PLCE1: variants seen among roughly 807,000 people sequenced by gnomAD.
PLCE1 encodes the protein phospholipase C epsilon 1, also known as 1-phosphatidylinositol 4,5-bisphosphate phosphodiesterase epsilon-1.
In PLCE1, 119 loss-of-function variants were observed where a neutral mutation model predicts 242.8. The ratio of observed to expected loss-of-function variants is 0.49; its 90% confidence interval spans 0.42 to 0.57. The LOEUF is 0.57. Ranked by LOEUF, PLCE1 falls within the 20% of genes least tolerant of loss-of-function variation. The pLI is 0.00. For synonymous variants in PLCE1, 945 were observed against 1,017.4 expected (o/e 0.93, Z 1.35); for missense variants, 2,441 against 2,788.8 (o/e 0.88, Z 2.81).
intron 9 of PLCE1, among the ~76,000 whole-genome samples, chr10:94,253,341 G>A (rs759130463): frequency 6.6e-6 from 1 of 152,026 alleles, no homozygotes; most frequent in Admixed American, 6.6e-5. Flanking sequence ...GAGAGAAGGG[G>A]AGAGGTGCCA....
intron 5 of PLCE1, among the ~76,000 whole-genome samples, chr10:94,229,988 A>G (rs558950346): frequency 1.3e-5 from 2 of 152,206 alleles, no homozygotes; most frequent in East Asian, 1.9e-4. Context: ...GTGCACTTTT[A>G]GGTTTGAAAG....
At chr10:94,084,771 T>C (rs1325093350) in intron 2 of PLCE1, among the ~76,000 whole-genome samples, 1 of 152,212 alleles carries the variant, frequency 6.6e-6, no homozygotes, top group Non-Finnish European at 1.5e-5. Flanking sequence ...CACCTCAGGG[T>C]ATTTCTGTTA....
intron 19 of PLCE1, among the ~76,000 whole-genome samples, chr10:94,277,217 C>G (rs1220892901): frequency 1.3e-5 from 2 of 152,132 alleles, no homozygotes; most frequent in Admixed American, 6.5e-5. Context: ...TGACATTCCT[C>G]TCCTGAATTT....
At chr10:94,227,858 A>G (rs574325138) in intron 5 of PLCE1, among the ~76,000 whole-genome samples, 1 of 152,352 alleles carries the variant, frequency 6.6e-6, no homozygotes, top group Non-Finnish European at 1.5e-5. Flanking sequence ...CCTTAGTAAT[A>G]ACAGTGGCTA....
intron 22 of PLCE1, among the ~76,000 whole-genome samples, chr10:94,287,892 C>CT (rs2052515731): frequency 6.6e-6 from 1 of 152,026 alleles, no homozygotes; most frequent in South Asian, 2.1e-4. Context: ...TCAACCTTGC[C>CT]TGGCCTTCCT....
intron 19 of PLCE1, 126 bp from the exon 20 acceptor site, chr10:94,279,656 C>G: frequency 9.5e-7 from 1 of 1,047,674 alleles, no homozygotes; most frequent in Non-Finnish European, 1.5e-6. Context: ...TTTCTCCTCT[C>G]CCAAATGTAT....
At chr10:94,023,156 A>G (rs2061402833) in intron 1 of PLCE1, among the ~76,000 whole-genome samples, 1 of 152,166 alleles carries the variant, frequency 6.6e-6, no homozygotes, top group Non-Finnish European at 1.5e-5. Context: ...CAAAGATGGC[A>G]TTTAAGCTGA....
chr10:94,138,416 A>T (rs1478863980), intron 3 of PLCE1: 2 of 405,004 alleles, frequency 4.9e-6, no homozygotes, highest in Non-Finnish European at 9.7e-6. Context: ...TGGAAAAGGC[A>T]AGTATTATGC....
At chr10:93,995,239 T>C (rs990083543) in intron 1 of PLCE1, among the ~76,000 whole-genome samples, 1 of 152,198 alleles carries the variant, frequency 6.6e-6, no homozygotes, top group African/African-American at 2.4e-5. Flanking sequence ...TAGGTTATTG[T>C]ATGCATCGAT....
intron 4 of PLCE1, among the ~76,000 whole-genome samples, chr10:94,208,301 A>G (rs944784787): frequency 6.6e-6 from 1 of 152,242 alleles, no homozygotes; most frequent in Non-Finnish European, 1.5e-5. Context: ...TATTTCTTCC[A>G]GGACAGCATC....
rs567171056 is a variant in PLCE1, at chr10:94,330,303, T to C, written c.*2360T>C. On this transcript the variant is annotated 3_prime_UTR_variant, in exon 33 of 33. Coordinates refer to ENST00000371380, the MANE Select transcript of PLCE1 (RefSeq NM_016341.4). ...CTGCCTAGGTTGCATCCCAATTTAGTTGTTTATCACATTTTGAGGTGAAAG... is the reference window on the plus strand; with the variant it reads ...CTGCCTAGGTTGCATCCCAATTTAGCTGTTTATCACATTTTGAGGTGAAAG... The C allele has an allele frequency of 1.3e-5, 2 of 152,320 alleles. No individual in the cohort carries two copies. The highest frequency in any genetic ancestry group is 4.8e-5 in the African/African-American group (2 of 41,584). 9.4% of individuals were successfully genotyped at this position (152,320 alleles called of 1,614,324 possible).
At position 94,262,390 on chromosome 10, in the gene PLCE1, T is replaced by A; in HGVS notation, c.3815-104T>A. 8.5e-6 allele frequency: 7 copies of A among 822,366 alleles called. No individual in the cohort carries two copies. In the South Asian group the frequency reaches 9.4e-5, roughly 11 times the overall value. 50.9% of individuals were successfully genotyped at this position (822,366 alleles called of 1,614,324 possible). A position where few individuals can be genotyped will look rare whatever the true frequency, so the allele number is the denominator to read the frequency against. ...TTGATGGCTTGTTTAGGTACATTAG[T>A]AAAGAGCTTCTCCATTTTAATAACT... On this transcript the variant is annotated intron_variant, in intron 13 of 32. Transcript: ENST00000371380.
chr10:94,186,384 T>C (rs558612753), intron 4 of PLCE1, among the ~76,000 whole-genome samples: 1 of 152,362 alleles, frequency 6.6e-6, no homozygotes, highest in South Asian at 2.1e-4. Context: ...GGTTGTTTCA[T>C]TTATTATTTT....
At chr10:94,007,575 CTTT>C (rs57779697) in intron 1 of PLCE1, among the ~76,000 whole-genome samples, 1,871 of 107,220 alleles carry the variant, frequency 0.017, 11 homozygotes, top group African/African-American at 0.034. Context: ...TTCTCTCTCT[CTTT>C]TTTTTTTTTT....
intron 5 of PLCE1, among the ~76,000 whole-genome samples, chr10:94,232,476 A>T (rs2137265808): frequency 6.6e-6 from 1 of 152,220 alleles, no homozygotes; most frequent in East Asian, 1.9e-4. Context: ...AAGGATGGGG[A>T]TAGAGGGAGC....
chr10:94,004,171 G>A (rs2060991654), intron 1 of PLCE1, among the ~76,000 whole-genome samples: 1 of 152,066 alleles, frequency 6.6e-6, no homozygotes, highest in Non-Finnish European at 1.5e-5. Flanking sequence ...TGTAAGCAAG[G>A]ATACTCTCAT....
chr10:94,325,296 C>G (rs2053969542), intron 32 of PLCE1, 192 bp downstream of exon 32: 2 of 546,172 alleles, frequency 3.7e-6, no homozygotes, highest in East Asian at 6.6e-5. Context: ...TGAACACCGC[C>G]TATAAAGAAA....
At position 94,223,044 on chromosome 10, in the gene PLCE1, G is replaced by A. The variant is rs111974676; in HGVS notation, c.1810-4262G>A. 7.0e-3 allele frequency among the ~76,000 whole-genome samples: 1,065 copies of A among 152,164 alleles called. 19 individuals are homozygous for A. Among genetic ancestry groups the A allele is most frequent in the African/African-American group, 0.024 (1,016 of 41,506 alleles). On this transcript the variant is annotated intron_variant, in intron 4 of 32. Coordinates refer to ENST00000371380, the MANE Select transcript of PLCE1 (RefSeq NM_016341.4). ...GAGCCTTCTGAAACCTGGGGTCCAG[G>A]GCAGGATCCTGATGGCATGGTCTCA...
At chr10:94,143,743 C>G (rs891542803) in intron 3 of PLCE1, among the ~76,000 whole-genome samples, 6 of 152,120 alleles carry the variant, frequency 3.9e-5, no homozygotes, top group African/African-American at 1.4e-4. Flanking sequence ...AGATATTATA[C>G]TATCATCAGG....
Sources: gnomAD v4.1 joint callset for allele counts (sites outside exome capture counted in the v4.1 genomes callset) on GRCh38, gnomAD v4.1.1 for gene constraint, MANE v1.5 for transcripts, NCBI Gene and HGNC (gene_info 2026-07-23, HGNC 2026-07-21) for gene names.